The following MTHFD1L variants were observed in gnomAD, a reference collection of about 807,000 sequenced individuals.
The protein encoded by MTHFD1L is methylenetetrahydrofolate dehydrogenase (NADP+ dependent) 1 like.
A neutral mutation model predicts 119.5 loss-of-function variants in MTHFD1L; 81 were observed. The ratio of observed to expected loss-of-function variants is 0.68; its 90% CI spans 0.57 to 0.82. MTHFD1L has a LOEUF of 0.82. Ranked by LOEUF, MTHFD1L falls within the 40% of genes least tolerant of loss-of-function variation. The pLI is 0.00. For missense variants in MTHFD1L, 1,125 were observed against 1,253.4 expected (o/e 0.90, Z 1.55); for synonymous variants, 430 against 475.2 (o/e 0.90, Z 1.24).
intron 10 of MTHFD1L, among the ~76,000 whole-genome samples, chr6:150,923,771 T>G (rs1433168420): frequency 6.6e-6 from 1 of 151,734 alleles, no homozygotes; most frequent in African/African-American, 2.4e-5. Context: ...ACTAGGAGGG[T>G]GTGACCCTCC....
intron 6 of MTHFD1L, 110 bp from the exon 7 acceptor site, chr6:150,887,735 G>A (rs1782551982): frequency 1.7e-6 from 2 of 1,185,072 alleles, no homozygotes; most frequent in South Asian, 2.0e-5. Context: ...GGAATTATAG[G>A]CATGAGCCAC....
chr6:150,885,690 T>A lies in MTHFD1L; in HGVS notation c.599T>A (p.Val200Asp). 1.2e-6 allele frequency: 2 copies of A among 1,614,116 alleles called. No individual in the cohort carries two copies. Among genetic ancestry groups the A allele is most frequent in the Non-Finnish European group, 1.7e-6 (2 of 1,179,972 alleles). ...LVRGDAHECF[V>D]SPVAKAVIEL... ...CGAGGGGATGCCCATGAATGTTTTG[T>A]TTCACCTGTTGCCAAAGCTGTAATT... is the stretch of plus-strand genomic sequence containing the variant. The change falls in exon 6 of 28, where the codon GTT becomes GAT. Residue 200 changes from valine (V) to aspartate (D), a missense_variant. By Grantham distance (152) the Val-to-Asp change is radical. Coordinates refer to ENST00000367321, the MANE Select transcript of MTHFD1L (RefSeq NM_015440.5).
At chr6:151,015,825 G>A (rs747795578) in intron 24 of MTHFD1L, 132 bp downstream of exon 24, 52 of 1,122,678 alleles carry the variant, frequency 4.6e-5, no homozygotes, top group Non-Finnish European at 5.4e-5. Context: ...AGTGGCTCAC[G>A]CCTGTAATCC....
chr6:151,069,251 T>TTCTC (rs371324778), intron 26 of MTHFD1L, among the ~76,000 whole-genome samples: 10,146 of 136,544 alleles, frequency 0.074, 414 homozygotes, highest in Middle Eastern at 0.14. Context: ...TTCTCTCTCT[T>TTCTC]TCTCTCTCTC....
At chr6:151,000,931 G>T (rs9478905) in intron 20 of MTHFD1L, among the ~76,000 whole-genome samples, 35,006 of 152,114 alleles carry the variant, frequency 0.23, 4,109 homozygotes, top group Middle Eastern at 0.31. Context: ...TTTTGTTTTT[G>T]ATTTGTTGTG....
intron 26 of MTHFD1L, among the ~76,000 whole-genome samples, chr6:151,056,497 T>C (rs1789951843): frequency 6.6e-6 from 1 of 152,224 alleles, no homozygotes. Context: ...GAATGCAGTC[T>C]GTCCATTCCT....
chr6:150,952,974 A>G (rs909468427), intron 16 of MTHFD1L, among the ~76,000 whole-genome samples: 1 of 152,198 alleles, frequency 6.6e-6, no homozygotes, highest in African/African-American at 2.4e-5. Context: ...GTTACAGAGC[A>G]TAATTTTGCA....
rs114096035 is a variant in MTHFD1L, at chr6:151,101,272, A to T, written c.*32-254A>T. Among the ~76,000 whole-genome samples the T allele has an allele frequency of 3.6e-3, 545 of 152,298 alleles. 1 individual carries two copies. Among genetic ancestry groups the T allele is most frequent in the African/African-American group, 0.012 (515 of 41,560 alleles). On this transcript the variant is annotated intron_variant, in intron 27 of 27. Transcript: ENST00000367321. The stretch of plus-strand genomic sequence containing the variant: ...GGAATTCTGCCAGTATCCCCAAGTA[A>T]ATCTCTTGGGAAGTTTAGAATGCTG...
At chr6:150,879,963 G>T (rs576038171) in intron 4 of MTHFD1L, among the ~76,000 whole-genome samples, 1 of 152,066 alleles carries the variant, frequency 6.6e-6, no homozygotes, top group African/African-American at 2.4e-5. Context: ...GATTTTCGTC[G>T]TTGTTGTTTA....
intron 5 of MTHFD1L, among the ~76,000 whole-genome samples, chr6:150,884,229 C>T (rs1781847744): frequency 6.6e-6 from 1 of 151,012 alleles, no homozygotes; most frequent in African/African-American, 2.4e-5. Flanking sequence ...GCAAGCTCTG[C>T]CTCCTGGGTT....
At position 151,092,540 on chromosome 6, in the gene MTHFD1L, T is replaced by C. The variant is rs1382707860; in HGVS notation, c.2921T>C (p.Val974Ala). Reference protein sequence around the residue: ...DIDLDTETEQVKGLF With the variant: ...DIDLDTETEQAKGLF ...GATCTTGATACCGAAACAGAACAAGTTAAAGGCTTGTTCTAAGTGGACAAG... is the reference window on the plus strand; with the variant it reads ...GATCTTGATACCGAAACAGAACAAGCTAAAGGCTTGTTCTAAGTGGACAAG... Residue 974 changes from valine to alanine, a missense_variant, in exon 27 of 28, where the codon GTT becomes GCT. Physicochemically the swap from Val to Ala is moderately conservative, Grantham distance 64 (BLOSUM62 0). Coordinates refer to ENST00000367321, the MANE Select transcript of MTHFD1L (RefSeq NM_015440.5). The C allele has an allele frequency of 1.4e-5, 22 of 1,614,030 alleles. No homozygotes were observed. Among genetic ancestry groups the C allele is most frequent in the Non-Finnish European group, 1.9e-5 (22 of 1,179,918 alleles).
intron 26 of MTHFD1L, among the ~76,000 whole-genome samples, chr6:151,051,689 A>G (rs1789066362): frequency 6.6e-6 from 1 of 152,200 alleles, no homozygotes; most frequent in South Asian, 2.1e-4. Flanking sequence ...ATAAGGCATA[A>G]ACACCTGGAG....
At chr6:151,075,704 T>A (rs1389197822) in intron 26 of MTHFD1L, among the ~76,000 whole-genome samples, 1 of 152,182 alleles carries the variant, frequency 6.6e-6, no homozygotes, top group Non-Finnish European at 1.5e-5. Flanking sequence ...ATAGACCATA[T>A]TCTGAGTCAC....
Position 151,047,133 on chromosome 6 carries a change from G to A in MTHFD1L, c.2847+10016G>A, listed in dbSNP as rs1043718015. 3.2e-4 allele frequency among the ~76,000 whole-genome samples: 49 copies of A among 152,254 alleles called. 1 individual carries two copies. Among genetic ancestry groups the A allele is most frequent in the South Asian group, 1.2e-3 (6 of 4,822 alleles). ...TGGAAACTACCACTTTAAGCAAAAAGACATGATGCATATGAAACCAGTTTT... is the reference window on the plus strand; with the variant it reads ...TGGAAACTACCACTTTAAGCAAAAAAACATGATGCATATGAAACCAGTTTT... On this transcript the variant is annotated intron_variant, in intron 26 of 27. Transcript: ENST00000367321.
intron 20 of MTHFD1L, among the ~76,000 whole-genome samples, chr6:151,000,919 A>G (rs1197169431): frequency 6.6e-6 from 1 of 152,152 alleles, no homozygotes; most frequent in Non-Finnish European, 1.5e-5. Flanking sequence ...CAAAGCTTCT[A>G]TTTTTGTTTT....
Position 150,940,972 on chromosome 6 carries a change from A to G in MTHFD1L, c.1440+2227A>G, listed in dbSNP as rs112655337. ...TGCCTCCAGTCTTTTCTTCATCTGT[A>G]TCCTCCCAGCTCTGAGCACCGTGCC... On this transcript the variant is annotated intron_variant, in intron 13 of 27. Transcript: ENST00000367321. 4.7e-3 allele frequency among the ~76,000 whole-genome samples: 719 copies of G among 152,296 alleles called. 7 individuals are homozygous for G. Among genetic ancestry groups the G allele is most frequent in the Non-Finnish European group, 7.5e-3 (508 of 68,026 alleles).
intron 27 of MTHFD1L, among the ~76,000 whole-genome samples, chr6:151,093,949 G>A (rs968513102): frequency 1.3e-5 from 2 of 152,098 alleles, no homozygotes; most frequent in African/African-American, 4.8e-5. Context: ...GGGGACTCTC[G>A]GTCTTATTCA....
At chr6:151,097,094 C>T (rs1474534347) in intron 27 of MTHFD1L, among the ~76,000 whole-genome samples, 1 of 152,106 alleles carries the variant, frequency 6.6e-6, no homozygotes, top group African/African-American at 2.4e-5. Flanking sequence ...TCTTTTTTCT[C>T]ACTTGGAAAC....
intron 1 of MTHFD1L, among the ~76,000 whole-genome samples, chr6:150,868,446 T>C (rs917337375): frequency 2.6e-5 from 4 of 151,672 alleles, no homozygotes; most frequent in Middle Eastern, 6.4e-3. Flanking sequence ...TTCAAGCGAT[T>C]CCCCTGCCTC....
Sources: gnomAD v4.1 joint callset for allele counts (sites outside exome capture counted in the v4.1 genomes callset) on GRCh38, gnomAD v4.1.1 for gene constraint, MANE v1.5 for transcripts, NCBI Gene and HGNC (gene_info 2026-07-23, HGNC 2026-07-21) for gene names.